The following COBL variants were observed in gnomAD, a reference collection of about 807,000 sequenced individuals.
The protein encoded by COBL is cordon-bleu WH2 repeat protein.
In COBL, 51 loss-of-function variants were observed where a neutral mutation model predicts 98.8. The observed-to-expected ratio is 0.52, with a 90% CI of 0.41 to 0.65. The LOEUF (loss-of-function observed/expected upper bound fraction) is 0.65, where lower values mean the gene tolerates loss of function less well. Among genes scored for constraint, COBL ranks in the 30% least tolerant of loss-of-function variants. The probability of loss-of-function intolerance (pLI) is 0.00; values close to 1 mark genes in which losing one functional copy is unlikely to be tolerated. For synonymous variants in COBL, 634 were observed against 651.7 expected (o/e 0.97, Z 0.41); for missense variants, 1,617 against 1,617.5 (o/e 1.00, Z 0.01).
intron 11 of COBL, among the ~76,000 whole-genome samples, chr7:51,025,903 T>C (rs1332338077): frequency 1.3e-5 from 2 of 152,208 alleles, no homozygotes; most frequent in East Asian, 1.9e-4. Context: ...GCCAAGTAAC[T>C]GATCCCAGAG....
intron 6 of COBL, among the ~76,000 whole-genome samples, chr7:51,128,845 G>T (rs1287262709): frequency 6.6e-6 from 1 of 152,228 alleles, no homozygotes; most frequent in Non-Finnish European, 1.5e-5. Context: ...TGGTCTGAGA[G>T]GTGGCATGCA....
intron 7 of COBL, among the ~76,000 whole-genome samples, chr7:51,082,735 C>A (rs1006410816): frequency 3.9e-5 from 6 of 152,160 alleles, no homozygotes; most frequent in Admixed American, 3.9e-4. Flanking sequence ...ACGGCTGTGC[C>A]GGACAGCTGT....
intron 8 of COBL, among the ~76,000 whole-genome samples, chr7:51,040,547 T>C (rs1385815086): frequency 6.6e-6 from 1 of 152,242 alleles, no homozygotes; most frequent in African/African-American, 2.4e-5. Context: ...TGCTGGGCTT[T>C]TCCCAGGCTC....
At chr7:51,094,570 C>T (rs1307507031) in intron 6 of COBL, among the ~76,000 whole-genome samples, 1 of 151,944 alleles carries the variant, frequency 6.6e-6, no homozygotes, top group South Asian at 2.1e-4. Context: ...TAAATAAAAG[C>T]TGATGAAGTT....
chr7:51,228,821 G>A (rs1482603441), intron 1 of COBL, among the ~76,000 whole-genome samples: 1 of 152,076 alleles, frequency 6.6e-6, no homozygotes, highest in Non-Finnish European at 1.5e-5. Flanking sequence ...AATACTCCAT[G>A]CTCATGCTGA....
intron 1 of COBL, among the ~76,000 whole-genome samples, chr7:51,235,235 C>G (rs1795138537): frequency 6.6e-6 from 1 of 152,208 alleles, no homozygotes; most frequent in Non-Finnish European, 1.5e-5. Flanking sequence ...TCCAAGTTAA[C>G]CCCTCTCAGT....
chr7:51,266,048 T>C (rs1798169961), intron 1 of COBL, among the ~76,000 whole-genome samples: 1 of 152,154 alleles, frequency 6.6e-6, no homozygotes, highest in African/African-American at 2.4e-5. Context: ...TTTAATAATA[T>C]TCATTACACA....
chr7:51,136,309 G>A lies in COBL; in HGVS notation c.806C>T (p.Ser269Phe), dbSNP rs764273600. The change falls in exon 6 of 13, where the codon TCC becomes TTC. Residue 269 changes from serine to phenylalanine, a missense_variant. This residue lies in a region of COBL where 1,304 missense variants were observed against 1,282.0 expected (regional missense o/e 1.02). Transcript: ENST00000265136. ...NSKGCLTTPN[S>F]PSMHSRSLTL... is the part of the protein sequence containing the mutation. The stretch of plus-strand genomic sequence containing the variant: ...AAGAGAACGTGAGTGCATGGATGGG[G>A]AGTTGGGGGTCGTTAAACAGCCCTG... 29 of 1,613,580 alleles carry A rather than the reference G, an allele frequency of 1.8e-5. No homozygotes were observed. Among genetic ancestry groups the A allele is most frequent in the Admixed American group, 1.7e-5 (1 of 59,876 alleles).
chr7:51,074,879 T>C (rs1477466706), intron 7 of COBL, among the ~76,000 whole-genome samples: 1 of 152,242 alleles, frequency 6.6e-6, no homozygotes, highest in Non-Finnish European at 1.5e-5. Context: ...TAGCACAAAA[T>C]TTATAAGTAA....
In COBL at chr7:51,016,597, C is replaced by T. The variant is rs76454095; in HGVS notation, c.*954G>A. ...GGGAGCCAATGAGCTGTTGGACAAA[C>T]GCGTCAAGGCTGAACCAAAATTGTG... is the stretch of plus-strand genomic sequence containing the variant. On this transcript the variant is annotated 3_prime_UTR_variant, in exon 13 of 13. Transcript: ENST00000265136. 512 of 214,928 alleles carry T rather than the reference C, an allele frequency of 2.4e-3. 4 individuals are homozygous for T. The highest frequency in any genetic ancestry group is 0.011 in the African/African-American group (491 of 44,288). The allele number at this position is 214,928 out of a possible 1,614,324, so 13.3% of individuals were successfully genotyped here. A position where few individuals can be genotyped will look rare whatever the true frequency, so the allele number is the denominator to read the frequency against.
At chr7:51,020,725 C>A (rs116457680) in intron 12 of COBL, among the ~76,000 whole-genome samples, 4,932 of 152,254 alleles carry the variant, frequency 0.032, 283 homozygotes, top group African/African-American at 0.11. Context: ...AGTGGGTGCA[C>A]ATGCAGCCGA....
intron 6 of COBL, among the ~76,000 whole-genome samples, chr7:51,127,305 G>A (rs1020489367): frequency 6.6e-6 from 1 of 152,166 alleles, no homozygotes; most frequent in African/African-American, 2.4e-5. Context: ...GGGGGGACGG[G>A]GCCACTGATG....
chr7:51,218,295 T>C (rs1793289378), intron 2 of COBL, among the ~76,000 whole-genome samples: 1 of 152,252 alleles, frequency 6.6e-6, no homozygotes. Flanking sequence ...AGTAACAAAA[T>C]AGTTGCAAAG....
chr7:51,151,734 T>C (rs1260937183), intron 5 of COBL, among the ~76,000 whole-genome samples: 2 of 152,196 alleles, frequency 1.3e-5, no homozygotes, highest in East Asian at 1.9e-4. Context: ...AAAACAATCA[T>C]ACCAGCAAAT....
At chr7:51,109,594 CCTCT>C (rs1004032661) in intron 6 of COBL, among the ~76,000 whole-genome samples, 1 of 152,118 alleles carries the variant, frequency 6.6e-6, no homozygotes, top group Non-Finnish European at 1.5e-5. Flanking sequence ...ATGCTTCTTC[CCTCT>C]CTGTCGTTCT....
chr7:51,168,515 G>A (rs1787553695), intron 5 of COBL, among the ~76,000 whole-genome samples: 1 of 151,986 alleles, frequency 6.6e-6, no homozygotes, highest in African/African-American at 2.4e-5. Context: ...CATATGAAAA[G>A]ATGGTCAACA....
chr7:51,031,127 G>T lies in COBL; in HGVS notation c.1407-218C>A, dbSNP rs954203862. ...CACAGGTATGTGTGGGATGCGTGTA[G>T]CGTGTGTGCATGTGTGGAGTATATG... On this transcript the variant is annotated intron_variant, in intron 8 of 12. Transcript: ENST00000265136. 3.9e-5 allele frequency: 22 copies of T among 562,374 alleles called. No homozygotes were observed. In the African/African-American group the frequency reaches 4.0e-4, roughly 10 times the overall value. 34.8% of individuals were successfully genotyped at this position (562,374 alleles called of 1,614,324 possible).
At chr7:51,274,558 C>A (rs1428184794) in intron 1 of COBL, among the ~76,000 whole-genome samples, 1 of 152,224 alleles carries the variant, frequency 6.6e-6, no homozygotes, top group Non-Finnish European at 1.5e-5. Flanking sequence ...GCAGAGAAGA[C>A]CACTTTTTCA....
chr7:51,024,653 G>GTGAATGAA (rs3216937), intron 12 of COBL, among the ~76,000 whole-genome samples: 6 of 151,308 alleles, frequency 4.0e-5, no homozygotes, highest in African/African-American at 1.2e-4. Context: ...GCATGTACGA[G>GTGAATGAA]TGAATGAATG....
Sources: gnomAD v4.1 joint callset for allele counts (sites outside exome capture counted in the v4.1 genomes callset) on GRCh38, gnomAD v4.1.1 for gene constraint, gnomAD v4.1.1 regional missense constraint, MANE v1.5 for transcripts, NCBI Gene and HGNC (gene_info 2026-07-23, HGNC 2026-07-21) for gene names.